Variants in RFX3 observed in about 807,000 individuals in gnomAD.
RFX3 encodes transcription factor RFX3.
RFX3 carries 14 observed loss-of-function variants against 98.6 expected under a neutral mutation model. The observed-to-expected ratio is 0.14, with a 90% CI of 0.09 to 0.22. The LOEUF (loss-of-function observed/expected upper bound fraction) is 0.22. Ranked by LOEUF, RFX3 falls within the 10% of genes least tolerant of loss-of-function variation. RFX3 has a pLI of 1.00. For missense variants in RFX3, 639 were observed against 926.9 expected, an observed-to-expected ratio of 0.69 and a Z score of 4.03; for synonymous variants, 383 against 328.4, an observed-to-expected ratio of 1.17 and a Z score of -1.80.
At chr9:3,264,482 G>A (rs751475098) in intron 12 of RFX3, among the ~76,000 whole-genome samples, 23 of 152,130 alleles carry the variant, frequency 1.5e-4, no homozygotes, top group Non-Finnish European at 2.5e-4. Context: ...AAGCTCATAC[G>A]TCCTCAAAAA....
chr9:3,476,382 G>A (rs1311255877), intron 1 of RFX3, among the ~76,000 whole-genome samples: 1 of 151,948 alleles, frequency 6.6e-6, no homozygotes, highest in Non-Finnish European at 1.5e-5. Context: ...TGCCAAGAGA[G>A]GATCATCAAA....
At chr9:3,303,806 T>C (rs1828952413) in intron 4 of RFX3, among the ~76,000 whole-genome samples, 1 of 152,074 alleles carries the variant, frequency 6.6e-6, no homozygotes, top group South Asian at 2.1e-4. Context: ...CAAGGAAATA[T>C]GTGGGTGAAA....
intron 14 of RFX3, among the ~76,000 whole-genome samples, chr9:3,251,048 A>G (rs1267047456): frequency 6.6e-6 from 1 of 152,210 alleles, no homozygotes; most frequent in Non-Finnish European, 1.5e-5. Flanking sequence ...TAAAAACTCT[A>G]TCAAAACACC....
chr9:3,250,524 CT>C (rs1265042660), intron 14 of RFX3, among the ~76,000 whole-genome samples: 6 of 151,986 alleles, frequency 3.9e-5, no homozygotes, highest in African/African-American at 1.4e-4. Context: ...ATTCATAAAA[CT>C]TTTGTAGAGG....
chr9:3,328,577 A>G (rs889584432), intron 4 of RFX3, among the ~76,000 whole-genome samples: 1 of 152,170 alleles, frequency 6.6e-6, no homozygotes, highest in Non-Finnish European at 1.5e-5. Flanking sequence ...TCAAAATTAC[A>G]AAGAAAAAAA....
rs886550255 is a variant in RFX3, at chr9:3,525,927, AGAGAGAGAGAGAGG to A, written c.-203_-190del. On this transcript the variant is annotated 5_prime_UTR_variant, in exon 1 of 17. Coordinates refer to ENST00000617270, the MANE Select transcript of RFX3 (RefSeq NM_001282116.2). ...GGCAACGGTTGCTATAACTCACAAA[AGAGAGAGAGAGAGG>A]GAGAGAGAGAGAGAGCGAGAGGGAG... is the stretch of plus-strand genomic sequence containing the variant. 83 of 764,326 alleles carry A rather than the reference AGAGAGAGAGAGAGG, an allele frequency of 1.1e-4. No individual in the cohort carries two copies. Among genetic ancestry groups the A allele is most frequent in the South Asian group, 1.8e-4 (3 of 16,684 alleles). The allele number at this position is 764,326 out of a possible 1,614,324, so 47.3% of individuals were successfully genotyped here. A position where few individuals can be genotyped will look rare whatever the true frequency, so the allele number is the denominator to read the frequency against.
At chr9:3,230,563 CA>C (rs1818325096) in intron 15 of RFX3, among the ~76,000 whole-genome samples, 1 of 152,056 alleles carries the variant, frequency 6.6e-6, no homozygotes, top group Non-Finnish European at 1.5e-5. Context: ...ATCTAAACAA[CA>C]AAAACCCAGA....
chr9:3,462,069 A>T (rs953395104), intron 1 of RFX3, among the ~76,000 whole-genome samples: 3 of 151,936 alleles, frequency 2.0e-5, no homozygotes, highest in Non-Finnish European at 4.4e-5. Flanking sequence ...ACATTCCCCA[A>T]CTCATTTTAT....
chr9:3,313,857 G>C lies in RFX3; in HGVS notation c.475-12237C>G, dbSNP rs1830256258. Among the ~76,000 whole-genome samples the C allele has an allele frequency of 3.9e-5, 6 of 152,212 alleles. No homozygotes were observed. The South Asian group carries it at 1.2e-3, about 32-fold the overall frequency. Reference sequence around the variant, plus strand: ...AAAAAGAAACGAACAAAGCCTCCAAGAAATATGGGACTATGTGAAAAGAGC... The same window carrying C: ...AAAAAGAAACGAACAAAGCCTCCAACAAATATGGGACTATGTGAAAAGAGC... On this transcript the variant is annotated intron_variant, in intron 4 of 16. Transcript: ENST00000617270.
intron 15 of RFX3, among the ~76,000 whole-genome samples, chr9:3,235,719 C>T (rs1393899213): frequency 6.6e-6 from 1 of 152,078 alleles, no homozygotes; most frequent in Non-Finnish European, 1.5e-5. Flanking sequence ...TCACACATTG[C>T]GTCACTCTGA....
chr9:3,523,311 G>T (rs1818907392), intron 1 of RFX3, among the ~76,000 whole-genome samples: 1 of 152,054 alleles, frequency 6.6e-6, no homozygotes, highest in African/African-American at 2.4e-5. Flanking sequence ...TCCCTTCTAG[G>T]AAAAATATTA....
At chr9:3,278,123 T>C (rs1825469522) in intron 7 of RFX3, among the ~76,000 whole-genome samples, 1 of 151,874 alleles carries the variant, frequency 6.6e-6, no homozygotes, top group South Asian at 2.1e-4. Flanking sequence ...CAGGTCCTAG[T>C]CATACAAACT....
chr9:3,452,177 G>GTT (rs1846703517), intron 1 of RFX3: 1 of 156,198 alleles, frequency 6.4e-6, no homozygotes, highest in African/African-American at 2.5e-5. Context: ...ATCACTGAAG[G>GTT]TGTGTCATCT....
intron 1 of RFX3, among the ~76,000 whole-genome samples, chr9:3,450,646 T>G (rs76560609): frequency 0.015 from 2,356 of 152,284 alleles, 73 homozygotes; most frequent in African/African-American, 0.053. Context: ...TATCCCAGAG[T>G]TAATCCCAAC....
At chr9:3,522,528 C>G (rs1401774995) in intron 1 of RFX3, among the ~76,000 whole-genome samples, 1 of 151,098 alleles carries the variant, frequency 6.6e-6, no homozygotes, top group East Asian at 1.9e-4. Context: ...AGTAATATTC[C>G]TATTACTGTT....
At chr9:3,387,939 G>T (rs1004835808) in intron 2 of RFX3, among the ~76,000 whole-genome samples, 55 of 151,910 alleles carry the variant, frequency 3.6e-4, no homozygotes, top group Non-Finnish European at 7.2e-4. Flanking sequence ...CACTATCTTG[G>T]GCATAGCTCC....
At chr9:3,298,315 G>A (rs1828243623) in intron 5 of RFX3, among the ~76,000 whole-genome samples, 2 of 151,784 alleles carry the variant, frequency 1.3e-5, no homozygotes, top group African/African-American at 4.8e-5. Flanking sequence ...TGGTATACCA[G>A]AAGAAGACCA....
intron 2 of RFX3, among the ~76,000 whole-genome samples, chr9:3,353,711 T>G (rs1478601198): frequency 6.6e-6 from 1 of 151,920 alleles, no homozygotes; most frequent in Non-Finnish European, 1.5e-5. Context: ...CAAAACAAAA[T>G]GTAATATGTT....
chr9:3,306,357 C>G (rs1322665138), intron 4 of RFX3, among the ~76,000 whole-genome samples: 2 of 151,800 alleles, frequency 1.3e-5, no homozygotes, highest in African/African-American at 4.8e-5. Context: ...CAACACTATT[C>G]CTCTCCCAGT....
Sources: allele counts gnomAD v4.1 joint callset (sites outside exome capture counted in the v4.1 genomes callset), GRCh38; gene constraint gnomAD v4.1.1; transcripts MANE v1.5; gene names NCBI Gene and HGNC (gene_info 2026-07-23, HGNC 2026-07-21).